MED27: variants seen among roughly 807,000 people sequenced by gnomAD.
The protein encoded by MED27 is mediator complex subunit 27.
Under a neutral mutation model 38.2 loss-of-function variants are expected in MED27, and 30 were observed. The ratio of observed to expected loss-of-function variants is 0.79; its 90% CI spans 0.59 to 1.07. MED27 has a LOEUF of 1.07. Among genes scored for constraint, MED27 ranks in the 50% least tolerant of loss-of-function variants. The pLI is 0.00. For missense variants in MED27, 289 were observed against 397.5 expected (o/e 0.73, Z 2.32); for synonymous variants, 122 against 153.5 (o/e 0.79, Z 1.52).
chr9:131,931,183 T>C (rs1333392612), intron 4 of MED27, among the ~76,000 whole-genome samples: 6 of 152,086 alleles, frequency 3.9e-5, no homozygotes, highest in Non-Finnish European at 7.3e-5. Flanking sequence ...GGGCGGAGGC[T>C]GCAGTGAGCC....
At chr9:131,903,677 C>T (rs934954253) in intron 4 of MED27, among the ~76,000 whole-genome samples, 1 of 152,186 alleles carries the variant, frequency 6.6e-6, no homozygotes, top group African/African-American at 2.4e-5. Context: ...TACTATTGGA[C>T]ACTGCACTCA....
chr9:132,063,147 G>C (rs931869731), intron 2 of MED27, among the ~76,000 whole-genome samples: 3 of 152,172 alleles, frequency 2.0e-5, no homozygotes, highest in Non-Finnish European at 4.4e-5. Context: ...CAGTCACTAG[G>C]AAGTGCCTTC....
chr9:132,042,427 A>G (rs573266720), intron 2 of MED27, among the ~76,000 whole-genome samples: 66 of 152,260 alleles, frequency 4.3e-4, no homozygotes, highest in Non-Finnish European at 2.9e-5. Flanking sequence ...TGCAGGTCAC[A>G]AGGCAAAAAG....
chr9:131,991,657 C>T (rs933213357), intron 3 of MED27, among the ~76,000 whole-genome samples: 6 of 152,098 alleles, frequency 3.9e-5, no homozygotes, highest in East Asian at 3.8e-4. Context: ...AATTTTTCTT[C>T]GAAGGTTTAG....
intron 4 of MED27, among the ~76,000 whole-genome samples, chr9:131,926,309 C>A (rs1830483052): frequency 6.6e-6 from 1 of 152,212 alleles, no homozygotes; most frequent in South Asian, 2.1e-4. Flanking sequence ...ATCTCATAAG[C>A]CAGTTTGACA....
intron 4 of MED27, among the ~76,000 whole-genome samples, chr9:131,898,804 T>C (rs975205856): frequency 6.6e-5 from 10 of 151,766 alleles, no homozygotes; most frequent in Non-Finnish European, 1.5e-4. Context: ...AGGCTGGTTT[T>C]GAACTCCTGA....
chr9:132,074,332 T>A (rs1476253952), intron 2 of MED27, among the ~76,000 whole-genome samples: 1 of 152,086 alleles, frequency 6.6e-6, no homozygotes, highest in Non-Finnish European at 1.5e-5. Flanking sequence ...AATTACAAAA[T>A]CCCCTAAAGA....
chr9:132,045,904 T>C (rs1833326731), intron 2 of MED27, among the ~76,000 whole-genome samples: 3 of 152,146 alleles, frequency 2.0e-5, no homozygotes, highest in Admixed American at 2.0e-4. Flanking sequence ...CACTACTTCC[T>C]CCAGGTTGCT....
intron 4 of MED27, among the ~76,000 whole-genome samples, chr9:131,909,593 T>G (rs960745699): frequency 1.3e-5 from 2 of 152,240 alleles, no homozygotes; most frequent in Non-Finnish European, 2.9e-5. Flanking sequence ...TAATATTTTG[T>G]CTGTAGGATA....
At position 131,879,250 on chromosome 9, in the gene MED27, G is replaced by A. The variant is rs939619329; in HGVS notation, c.723+4808C>T. On this transcript the variant is annotated intron_variant, in intron 6 of 7. Transcript: ENST00000292035. ...GAAATAAAAAGGTGAGTGTTAGCTT[G>A]GTTTGGCTCTGCAAGGCAATCCCCC... Among the ~76,000 whole-genome samples, 6 of 152,346 alleles carry A rather than the reference G, an allele frequency of 3.9e-5. No individual in the cohort carries two copies. In the South Asian group the frequency reaches 1.2e-3, roughly 32 times the overall value.
At chr9:131,968,178 A>C (rs766181237) in intron 3 of MED27, among the ~76,000 whole-genome samples, 5 of 152,156 alleles carry the variant, frequency 3.3e-5, no homozygotes, top group Admixed American at 6.5e-5. Flanking sequence ...ATTTATGCTT[A>C]TAAGAATGTT....
At chr9:132,075,235 G>A (rs567699669) in intron 2 of MED27, among the ~76,000 whole-genome samples, 1 of 152,180 alleles carries the variant, frequency 6.6e-6, no homozygotes, top group Admixed American at 6.5e-5. Context: ...ACCAGGTCAG[G>A]AAACCCAAAT....
At chr9:131,999,407 G>A (rs1351608713) in intron 3 of MED27, among the ~76,000 whole-genome samples, 1 of 152,092 alleles carries the variant, frequency 6.6e-6, no homozygotes, top group East Asian at 1.9e-4. Flanking sequence ...AAAGTCTCTT[G>A]GTGTGGTTAC....
chr9:131,895,403 C>T (rs897439006), intron 4 of MED27, among the ~76,000 whole-genome samples: 5 of 152,150 alleles, frequency 3.3e-5, no homozygotes, highest in Admixed American at 6.5e-5. Flanking sequence ...CCTTCAACTC[C>T]GACCTGCCGT....
chr9:132,073,224 C>T (rs1451933887), intron 2 of MED27: 1 of 685,226 alleles, frequency 1.5e-6, no homozygotes, highest in African/African-American at 2.0e-5. Context: ...TCCAAATTGC[C>T]TCCCATCCAA....
At chr9:132,035,713 G>A (rs1363249999) in intron 2 of MED27, among the ~76,000 whole-genome samples, 2 of 152,126 alleles carry the variant, frequency 1.3e-5, no homozygotes, top group Non-Finnish European at 2.9e-5. Context: ...CTGTCACCCC[G>A]GCACTTTTGG....
chr9:131,899,961 C>G (rs534894532), intron 4 of MED27, among the ~76,000 whole-genome samples: 2 of 152,356 alleles, frequency 1.3e-5, no homozygotes, highest in Admixed American at 1.3e-4. Flanking sequence ...GGCTACAGGT[C>G]GGCTCTTGGC....
At chr9:132,025,540 TA>T (rs1832800130) in intron 2 of MED27, among the ~76,000 whole-genome samples, 1 of 152,228 alleles carries the variant, frequency 6.6e-6, no homozygotes, top group Non-Finnish European at 1.5e-5. Context: ...CTACTACTCT[TA>T]ATCTAATTAA....
At chr9:132,064,966 C>T (rs1833777263) in intron 2 of MED27, among the ~76,000 whole-genome samples, 1 of 152,256 alleles carries the variant, frequency 6.6e-6, no homozygotes, top group East Asian at 1.9e-4. Context: ...AGTCCTCTGT[C>T]GACCAGGAAG....
Sources: gnomAD v4.1 joint callset for allele counts (sites outside exome capture counted in the v4.1 genomes callset) on GRCh38, gnomAD v4.1.1 for gene constraint, MANE v1.5 for transcripts, NCBI Gene and HGNC (gene_info 2026-07-23, HGNC 2026-07-21) for gene names.